Variants in SYCP2L observed in about 807,000 individuals in gnomAD.
SYCP2L encodes the protein synaptonemal complex protein 2-like.
A neutral mutation model predicts 125.8 loss-of-function variants in SYCP2L; 98 were observed. The observed-to-expected ratio is 0.78, with a 90% CI of 0.66 to 0.92. The LOEUF (loss-of-function observed/expected upper bound fraction) is 0.92, where lower values mean the gene tolerates loss of function less well. SYCP2L is among the 40% of genes least tolerant of loss of function. SYCP2L has a pLI of 0.00. For missense variants in SYCP2L, 842 were observed against 936.4 expected (o/e 0.90, Z 1.32); for synonymous variants, 317 against 325.4 (o/e 0.97, Z 0.28).
At chr6:10,959,881 A>G (rs1561701934) in intron 26 of SYCP2L, among the ~76,000 whole-genome samples, 1 of 151,498 alleles carries the variant, frequency 6.6e-6, no homozygotes, top group African/African-American at 2.4e-5. Context: ...AAAAAAAAAA[A>G]AAAGAAAGAA....
At position 10,930,432 on chromosome 6, in the gene SYCP2L, A is replaced by G. The variant is rs754673484; in HGVS notation, c.1551A>G (p.Leu517=). 1 of 1,613,758 alleles carries G rather than the reference A, an allele frequency of 6.2e-7. No homozygotes were observed. Among genetic ancestry groups the G allele is most frequent in the African/African-American group, 1.3e-5 (1 of 75,062 alleles). The change falls in exon 19 of 30, where the codon CTA becomes CTG. Residue 517 remains leucine, a synonymous_variant. Coordinates refer to ENST00000283141, the MANE Select transcript of SYCP2L (RefSeq NM_001040274.3). ...ESNQDSSTSE[L]SWTSNQKKKS... is the part of the protein sequence containing the mutation. ...ATCAAGATTCAAGTACCAGTGAACT[A>G]TCTTGGACCAGTAACCAGAAAAAGA... is the stretch of plus-strand genomic sequence containing the variant.
At chr6:10,928,124 C>T (rs1780930277) in intron 17 of SYCP2L, among the ~76,000 whole-genome samples, 1 of 151,864 alleles carries the variant, frequency 6.6e-6, no homozygotes, top group Admixed American at 6.6e-5. Flanking sequence ...TTAACGCAAT[C>T]ATCACAGGGT....
intron 15 of SYCP2L, among the ~76,000 whole-genome samples, chr6:10,925,843 A>C (rs1316454124): frequency 6.6e-6 from 1 of 152,222 alleles, no homozygotes; most frequent in East Asian, 1.9e-4. Context: ...AACTCACAAA[A>C]ACATCGAAAT....
chr6:10,903,854 G>A (rs1394086883), intron 8 of SYCP2L, among the ~76,000 whole-genome samples: 1 of 151,820 alleles, frequency 6.6e-6, no homozygotes, highest in Admixed American at 6.6e-5. Context: ...AACGTTGTGA[G>A]GCAAAATGTT....
chr6:10,930,082 AATATTG>A (rs1392073804), intron 18 of SYCP2L: 8 of 218,952 alleles, frequency 3.7e-5, no homozygotes, highest in Non-Finnish European at 2.7e-5. Flanking sequence ...TATTAGGCAC[AATATTG>A]AGATTGGTCT....
At chr6:10,919,428 G>A (rs2761596) in intron 14 of SYCP2L, among the ~76,000 whole-genome samples, 58,187 of 151,678 alleles carry the variant, frequency 0.38, 12,006 homozygotes, top group Admixed American at 0.52. Flanking sequence ...GATGTGAACT[G>A]TCTATGGGTC....
intron 20 of SYCP2L, among the ~76,000 whole-genome samples, chr6:10,932,997 A>G: frequency 6.6e-6 from 1 of 152,122 alleles, no homozygotes; most frequent in East Asian, 1.9e-4. Context: ...CAAGTGATCC[A>G]CCTGCCTTGG....
intron 1 of SYCP2L, among the ~76,000 whole-genome samples, chr6:10,888,868 C>T (rs1049330532): frequency 6.6e-6 from 1 of 152,156 alleles, no homozygotes; most frequent in South Asian, 2.1e-4. Context: ...GAATTAACAC[C>T]CTTTTTTTTT....
chr6:10,929,957 AAAAG>A (rs1780961631), intron 18 of SYCP2L: 1 of 154,082 alleles, frequency 6.5e-6, no homozygotes, highest in African/African-American at 2.4e-5. Context: ...AGAAAAAAGA[AAAAG>A]AAATAACTCT....
intron 16 of SYCP2L, among the ~76,000 whole-genome samples, chr6:10,926,983 G>A (rs960705479): frequency 6.6e-6 from 1 of 152,114 alleles, no homozygotes; most frequent in African/African-American, 2.4e-5. Context: ...ATTTTGCCAT[G>A]TTGGCCAGGC....
In SYCP2L at chr6:10,912,950, C is replaced by A; in HGVS notation, c.1072+23C>A. 2.5e-6 allele frequency: 4 copies of A among 1,606,376 alleles called. No homozygotes were observed. Among genetic ancestry groups the A allele is most frequent in the Non-Finnish European group, 3.4e-6 (4 of 1,175,522 alleles). ...CAGGTAATATGATACATTTAAACAA[C>A]CCACGTCCAGTTCCAAATATTATTT... On this transcript the variant is annotated intron_variant, in intron 14 of 29. Coordinates refer to ENST00000283141, the MANE Select transcript of SYCP2L (RefSeq NM_001040274.3). The surrounding 1 kb of genome is among the most constrained non-coding windows in gnomAD (Gnocchi z 4.1).
At chr6:10,973,732 T>C (rs1277556968) in intron 29 of SYCP2L, among the ~76,000 whole-genome samples, 1 of 152,150 alleles carries the variant, frequency 6.6e-6, no homozygotes, top group East Asian at 1.9e-4. Context: ...CAGAGTGGCA[T>C]GTGTTGAAGA....
intron 29 of SYCP2L, among the ~76,000 whole-genome samples, chr6:10,971,457 CA>C (rs564161444): frequency 0.48 from 47,558 of 99,190 alleles, 7,957 homozygotes; most frequent in South Asian, 0.62. Context: ...GACTCTGTCT[CA>C]AAAAAAAAAA....
chr6:10,901,519 G>A (rs952834347), intron 6 of SYCP2L, among the ~76,000 whole-genome samples: 2 of 152,158 alleles, frequency 1.3e-5, no homozygotes, highest in African/African-American at 4.8e-5. Context: ...TTACAGCAGA[G>A]TTTCTCAATT....
intron 14 of SYCP2L, chr6:10,922,839 A>T (rs564432946): frequency 2.0e-5 from 3 of 152,314 alleles, no homozygotes; most frequent in Admixed American, 2.0e-4. Flanking sequence ...CATTAAAGAA[A>T]AAAGTAGATT....
chr6:10,928,507 G>A, intron 18 of SYCP2L, 57 bp downstream of exon 18: 8 of 1,483,226 alleles, frequency 5.4e-6, no homozygotes, highest in Non-Finnish European at 7.2e-6. Flanking sequence ...GACTGTGACA[G>A]GTGGAAGCCA....
At chr6:10,958,932 T>A (rs1781550567) in intron 26 of SYCP2L, 57 bp downstream of exon 26, 1 of 1,481,910 alleles carries the variant, frequency 6.7e-7, no homozygotes, top group Non-Finnish European at 9.4e-7. Context: ...CCAACAGCGT[T>A]TATCTCATGA....
At chr6:10,965,129 T>C (rs918450821) in intron 29 of SYCP2L, among the ~76,000 whole-genome samples, 1 of 152,078 alleles carries the variant, frequency 6.6e-6, no homozygotes, top group African/African-American at 2.4e-5. Context: ...TTTAAGAAAA[T>C]TACTCTAGAT....
At position 10,968,357 on chromosome 6, in the gene SYCP2L, A is replaced by G. The variant is rs541825627; in HGVS notation, c.*37+4514A>G. Among the ~76,000 whole-genome samples the G allele has an allele frequency of 5.9e-5, 9 of 152,300 alleles. 1 individual carries two copies. The highest frequency in any genetic ancestry group is 2.0e-4 in the Admixed American group (3 of 15,296). ...GCTAAGCTGATAGGAACCAGGGCCC[A>G]GTGGACAAAGGGGCCAGGAGGTTGA... On this transcript the variant is annotated intron_variant, in intron 29 of 29. Transcript: ENST00000283141.
Sources: gnomAD v4.1 joint callset for allele counts (sites outside exome capture counted in the v4.1 genomes callset) on GRCh38, gnomAD v4.1.1 for gene constraint, Gnocchi (gnomAD v3.1) non-coding constraint, MANE v1.5 for transcripts, NCBI Gene and HGNC (gene_info 2026-07-23, HGNC 2026-07-21) for gene names.